The following ALK variants were observed in gnomAD, a reference collection of about 807,000 sequenced individuals.
The protein encoded by ALK is ALK receptor tyrosine kinase, also known as ALK tyrosine kinase receptor.
In ALK, 74 loss-of-function variants were observed where a neutral mutation model predicts 163.1. The ratio of observed to expected loss-of-function variants is 0.45; its 90% CI spans 0.38 to 0.55. The LOEUF is 0.55. Among genes scored for constraint, ALK ranks in the 20% least tolerant of loss-of-function variants. The pLI is 0.00. For synonymous variants in ALK, 960 were observed against 843.2 expected (o/e 1.14, Z -2.40); for missense variants, 2,063 against 2,105.3 (o/e 0.98, Z 0.39).
intron 4 of ALK, among the ~76,000 whole-genome samples, chr2:29,506,226 C>A (rs1214011195): frequency 6.6e-6 from 1 of 152,178 alleles, no homozygotes; most frequent in East Asian, 1.9e-4. Context: ...GGCATTTAAT[C>A]CCTTTTTCCA....
chr2:29,766,531 G>T (rs1205068475), intron 1 of ALK, among the ~76,000 whole-genome samples: 1 of 152,132 alleles, frequency 6.6e-6, no homozygotes, highest in Non-Finnish European at 1.5e-5. Context: ...CCTAGGCAGT[G>T]AATATTTCCC....
chr2:29,461,057 A>G (rs892829326), intron 4 of ALK, among the ~76,000 whole-genome samples: 1 of 152,222 alleles, frequency 6.6e-6, no homozygotes, highest in African/African-American at 2.4e-5. Flanking sequence ...TGTTCTGAAT[A>G]GGAGATCAAA....
chr2:29,391,766 T>C (rs1223913403), intron 4 of ALK, among the ~76,000 whole-genome samples: 1 of 152,192 alleles, frequency 6.6e-6, no homozygotes, highest in Non-Finnish European at 1.5e-5. Flanking sequence ...CAGACTTTTA[T>C]TGGCTGTGTG....
At chr2:29,368,832 T>C (rs1668573840) in intron 5 of ALK, among the ~76,000 whole-genome samples, 1 of 152,210 alleles carries the variant, frequency 6.6e-6, no homozygotes, top group South Asian at 2.1e-4. Flanking sequence ...TCAGGGGTGA[T>C]ATTTAAACCC....
At chr2:29,889,021 G>C (rs1000741881) in intron 1 of ALK, among the ~76,000 whole-genome samples, 4 of 152,176 alleles carry the variant, frequency 2.6e-5, no homozygotes, top group African/African-American at 9.7e-5. Context: ...TCAACTGTGG[G>C]AGCATCTCTG....
At chr2:29,696,802 G>T (rs966815161) in intron 2 of ALK, among the ~76,000 whole-genome samples, 3 of 151,888 alleles carry the variant, frequency 2.0e-5, no homozygotes, top group African/African-American at 7.3e-5. Flanking sequence ...CATAGCCCCT[G>T]ACCCACGTCT....
chr2:29,348,913 G>A (rs938301762), intron 5 of ALK, among the ~76,000 whole-genome samples: 8 of 152,258 alleles, frequency 5.3e-5, no homozygotes, highest in African/African-American at 1.9e-4. Context: ...ACGACACGCT[G>A]TCTGAGTTTA....
At chr2:29,771,090 G>C (rs1188994373) in intron 1 of ALK, among the ~76,000 whole-genome samples, 1 of 151,458 alleles carries the variant, frequency 6.6e-6, no homozygotes, top group Non-Finnish European at 1.5e-5. Flanking sequence ...CACATACACA[G>C]AAAAATACAC....
At chr2:29,621,230 T>C (rs186818048) in intron 3 of ALK, among the ~76,000 whole-genome samples, 114 of 152,114 alleles carry the variant, frequency 7.5e-4, no homozygotes, top group Non-Finnish European at 1.4e-3. Flanking sequence ...ACAATGTTTT[T>C]CTGAGGTGAG....
intron 1 of ALK, among the ~76,000 whole-genome samples, chr2:29,866,451 GC>G (rs1359862254): frequency 6.6e-6 from 1 of 152,200 alleles, no homozygotes; most frequent in Non-Finnish European, 1.5e-5. Flanking sequence ...TCAGCATGGG[GC>G]AAGCACAAAG....
chr2:29,614,106 C>G (rs766746058), intron 3 of ALK, among the ~76,000 whole-genome samples: 2 of 152,174 alleles, frequency 1.3e-5, no homozygotes, highest in South Asian at 2.1e-4. Flanking sequence ...TTCACCTCCC[C>G]CTACCGTTCC....
intron 2 of ALK, among the ~76,000 whole-genome samples, chr2:29,698,842 TTAAA>T (rs1187267422): frequency 1.3e-5 from 2 of 152,226 alleles, no homozygotes; most frequent in African/African-American, 4.8e-5. Context: ...CTTTCTAGCT[TTAAA>T]TAGGAATGGA....
chr2:29,539,629 G>A (rs1673358982), intron 3 of ALK, among the ~76,000 whole-genome samples: 3 of 114,938 alleles, frequency 2.6e-5, no homozygotes, highest in African/African-American at 5.8e-5. Flanking sequence ...CATATCATTC[G>A]ACTAGGTAAA....
At chr2:29,510,995 C>T (rs939877896) in intron 4 of ALK, among the ~76,000 whole-genome samples, 1 of 152,184 alleles carries the variant, frequency 6.6e-6, no homozygotes, top group East Asian at 1.9e-4. Context: ...ATCTCTCTCA[C>T]TAGCCCTTCA....
intron 4 of ALK, among the ~76,000 whole-genome samples, chr2:29,409,113 A>C (rs1669665291): frequency 6.6e-6 from 1 of 152,190 alleles, no homozygotes; most frequent in Admixed American, 6.5e-5. Flanking sequence ...AAGGAGAGAC[A>C]CAGATGGGCG....
At chr2:29,517,392 C>T (rs939987202) in intron 4 of ALK, among the ~76,000 whole-genome samples, 8 of 151,978 alleles carry the variant, frequency 5.3e-5, no homozygotes, top group African/African-American at 9.7e-5. Context: ...TTAAAATAGA[C>T]GGAATAGATT....
chr2:29,356,470 A>G (rs1478326526), intron 5 of ALK, among the ~76,000 whole-genome samples: 1 of 81,162 alleles, frequency 1.2e-5, no homozygotes, highest in Admixed American at 1.6e-4. Context: ...TTGGAAAAAA[A>G]AAAGTCCCAG....
At chr2:29,593,616 G>A (rs562473178) in intron 3 of ALK, among the ~76,000 whole-genome samples, 45 of 152,326 alleles carry the variant, frequency 3.0e-4, no homozygotes, top group African/African-American at 1.0e-3. Context: ...AATATTGGCC[G>A]TTAGCCAAGC....
chr2:29,383,626 C>A, intron 5 of ALK, 106 bp downstream of exon 5: 1 of 1,510,100 alleles, frequency 6.6e-7, no homozygotes, highest in Admixed American at 1.7e-5. Context: ...CCACTCTAGA[C>A]TTTTCTTCAT....
Sources: allele counts gnomAD v4.1 joint callset (sites outside exome capture counted in the v4.1 genomes callset), GRCh38; gene constraint gnomAD v4.1.1; transcripts MANE v1.5; gene names NCBI Gene and HGNC (gene_info 2026-07-23, HGNC 2026-07-21).